PLEKHG1: variants seen among roughly 807,000 people sequenced by gnomAD.
PLEKHG1 encodes pleckstrin homology domain-containing family G member 1.
In PLEKHG1, 44 loss-of-function variants were observed where a neutral mutation model predicts 100.8. That is an observed-to-expected ratio of 0.44 (90% CI 0.34 to 0.56). The LOEUF is 0.56. PLEKHG1 is among the 20% of genes least tolerant of loss of function. PLEKHG1 has a pLI of 0.01. For missense variants in PLEKHG1, 1,545 were observed against 1,720.9 expected, an observed-to-expected ratio of 0.90 and a Z score of 1.81; for synonymous variants, 640 against 662.5, an observed-to-expected ratio of 0.97 and a Z score of 0.52.
intron 3 of PLEKHG1, among the ~76,000 whole-genome samples, chr6:150,772,228 G>T (rs146900789): frequency 6.5e-4 from 99 of 152,326 alleles, no homozygotes; most frequent in African/African-American, 2.4e-3. Context: ...GAAGAGATGT[G>T]CAGAATTGGC....
exon 16 of PLEKHG1, chr6:150,840,581 G>A (rs753966779): frequency 3.1e-6 from 5 of 1,614,158 alleles, no homozygotes; most frequent in Non-Finnish European, 4.2e-6. Context: ...ATGACTATGT[G>A]GAAATCAAGT....
At chr6:150,826,325 G>T (rs1456430481) in intron 14 of PLEKHG1, among the ~76,000 whole-genome samples, 2 of 151,952 alleles carry the variant, frequency 1.3e-5, no homozygotes, top group African/African-American at 4.8e-5. Context: ...GGGCATAGCG[G>T]CATGCACCTG....
chr6:150,739,540 T>C (rs1199851303), intron 2 of PLEKHG1, among the ~76,000 whole-genome samples: 2 of 151,960 alleles, frequency 1.3e-5, no homozygotes, highest in Admixed American at 1.3e-4. Context: ...TGGTGGTGCA[T>C]GCCTGTAGTC....
upstream of PLEKHG1, among the ~76,000 whole-genome samples, chr6:150,717,343 ATTTTGTCTT>A (rs1399385558): frequency 4.0e-5 from 6 of 151,160 alleles, no homozygotes; most frequent in Non-Finnish European, 8.8e-5. Context: ...CCTGGCCTAA[ATTTTGTCTT>A]TTTTGTAGAG....
Position 150,831,572 on chromosome 6 carries a change from T to TCTA in PLEKHG1, c.2462_2464dup (p.Ser821_Met822insThr), listed in dbSNP as rs780351345. The stretch of plus-strand genomic sequence containing the variant: ...GTATGACTCTCCCAGTGGTAACTTG[T>TCTA]CTATGCCTCATAAGCCTGTATCTGA... On this transcript the variant is annotated inframe_insertion, in exon 15 of 16. Transcript: ENST00000358517. This position sits in a 1 kb window ranked among gnomAD's most constrained non-coding sequence, Gnocchi z 4.1. 1.7e-5 allele frequency: 28 copies of TCTA among 1,614,056 alleles called. No individual in the cohort carries two copies. Among genetic ancestry groups the TCTA allele is most frequent in the Admixed American group, 3.3e-5 (2 of 60,008 alleles).
chr6:150,704,372 A>C (rs75020662), intron 3 of PLEKHG1, among the ~76,000 whole-genome samples: 6,449 of 152,160 alleles, frequency 0.042, 433 homozygotes, highest in African/African-American at 0.15. Flanking sequence ...TTCCTATAAC[A>C]CACCTCACCC....
At chr6:150,811,967 G>A (rs1427931219) in intron 10 of PLEKHG1, among the ~76,000 whole-genome samples, 3 of 152,232 alleles carry the variant, frequency 2.0e-5, no homozygotes, top group Non-Finnish European at 4.4e-5. Flanking sequence ...GAAAGGAGCT[G>A]AGCAGTGCTG....
At chr6:150,675,498 A>G (rs1161986464) in intron 3 of PLEKHG1, among the ~76,000 whole-genome samples, 3 of 152,234 alleles carry the variant, frequency 2.0e-5, no homozygotes, top group South Asian at 2.1e-4. Flanking sequence ...CTACAACCTT[A>G]TCTTTCAGTT....
At chr6:150,788,610 C>T (rs1480349365) in intron 4 of PLEKHG1, among the ~76,000 whole-genome samples, 1 of 152,172 alleles carries the variant, frequency 6.6e-6, no homozygotes, top group Non-Finnish European at 1.5e-5. Flanking sequence ...AAACCTTCTC[C>T]CAGTAAACAT....
intron 1 of PLEKHG1, among the ~76,000 whole-genome samples, chr6:150,611,776 C>T (rs1776838604): frequency 6.8e-6 from 1 of 147,568 alleles, no homozygotes. Flanking sequence ...TGCACCACTG[C>T]ACTCCAGCCT....
chr6:150,811,838 G>A (rs921843700), intron 10 of PLEKHG1, among the ~76,000 whole-genome samples: 7 of 152,096 alleles, frequency 4.6e-5, no homozygotes, highest in Non-Finnish European at 1.0e-4. Context: ...TTTGGAGGAA[G>A]GGGAGATGGC....
upstream of PLEKHG1, among the ~76,000 whole-genome samples, chr6:150,719,552 A>T (rs567409136): frequency 6.6e-6 from 1 of 152,192 alleles, no homozygotes; most frequent in Non-Finnish European, 1.5e-5. Context: ...AGACCACATG[A>T]TCCTTACTCT....
intron 3 of PLEKHG1, among the ~76,000 whole-genome samples, chr6:150,707,921 C>G (rs1202928874): frequency 6.6e-6 from 1 of 152,128 alleles, no homozygotes; most frequent in Non-Finnish European, 1.5e-5. Context: ...CCCCTTTCCT[C>G]TGCCTGACCC....
chr6:150,733,856 G>C, exon 2 of PLEKHG1: 3 of 1,614,172 alleles, frequency 1.9e-6, no homozygotes, highest in Non-Finnish European at 2.5e-6. Context: ...GCTGATTCCT[G>C]CCAGGCCGTT....
At chr6:150,700,000 A>T (rs555620090) in intron 3 of PLEKHG1, among the ~76,000 whole-genome samples, 1 of 152,178 alleles carries the variant, frequency 6.6e-6, no homozygotes, top group African/African-American at 2.4e-5. Context: ...TCATAGTGAG[A>T]CTAATGTTTA....
chr6:150,752,406 C>G (rs1783570687), intron 2 of PLEKHG1, among the ~76,000 whole-genome samples: 1 of 152,106 alleles, frequency 6.6e-6, no homozygotes, highest in Non-Finnish European at 1.5e-5. Flanking sequence ...TTTCATCATC[C>G]CAACACAGAA....
intron 3 of PLEKHG1, among the ~76,000 whole-genome samples, chr6:150,706,204 G>A (rs185989301): frequency 1.9e-4 from 29 of 152,170 alleles, no homozygotes; most frequent in African/African-American, 2.7e-4. Flanking sequence ...CCTCACTTCA[G>A]TACTTCCATA....
exon 16 of PLEKHG1, chr6:150,840,602 T>G: frequency 6.2e-7 from 1 of 1,614,192 alleles, no homozygotes; most frequent in South Asian, 1.1e-5. Flanking sequence ...CAGAAGAAGA[T>G]GAGTCGGAGT....
chr6:150,704,368 T>C (rs9480550), intron 3 of PLEKHG1, among the ~76,000 whole-genome samples: 29,666 of 152,166 alleles, frequency 0.19, 5,026 homozygotes, highest in African/African-American at 0.47. Flanking sequence ...GCTTTTCCTA[T>C]AACACACCTC....
Sources: gnomAD v4.1 joint callset for allele counts (sites outside exome capture counted in the v4.1 genomes callset) on GRCh38, gnomAD v4.1.1 for gene constraint, Gnocchi (gnomAD v3.1) non-coding constraint, MANE v1.5 for transcripts, NCBI Gene and HGNC (gene_info 2026-07-23, HGNC 2026-07-21) for gene names.